Variants in DSG1 observed in about 807,000 individuals in gnomAD.
The protein encoded by DSG1 is desmoglein-1.
In DSG1, 39 loss-of-function variants were observed where a neutral mutation model predicts 97.5. The observed-to-expected ratio is 0.40, with a 90% CI of 0.31 to 0.52. The LOEUF (loss-of-function observed/expected upper bound fraction) is 0.52. Ranked by LOEUF, DSG1 falls within the 20% of genes least tolerant of loss-of-function variation. The pLI is 0.53. For missense variants in DSG1, 1,311 were observed against 1,295.4 expected (o/e 1.01, Z -0.18); for synonymous variants, 475 against 443.4 (o/e 1.07, Z -0.90).
rs1466457930 is a variant in DSG1 at position 31,354,664 on chromosome 18, C to G, written c.2468C>G (p.Pro823Arg). 1 of 1,614,038 alleles carries G rather than the reference C, an allele frequency of 6.2e-7. No individual in the cohort carries two copies. The highest frequency in any genetic ancestry group is 2.2e-5 in the East Asian group (1 of 44,882). The change falls in exon 15 of 15, where the codon CCT (proline) becomes CGT (arginine). Residue 823 changes from proline to arginine, a missense_variant. Physicochemically the swap from Pro to Arg is moderately radical, Grantham distance 103. This residue lies in a region of DSG1 where 1,038 missense variants were observed against 964.6 expected (regional missense o/e 1.08). Coordinates refer to ENST00000257192, the MANE Select transcript of DSG1 (RefSeq NM_001942.4). The part of the protein sequence containing the change: ...TYPSGPGVLH[P>R]KPILDPLGYG... ...CCCTCGGGACCTGGTGTACTGCATC[C>G]TAAGCCTATTCTCGATCCTCTGGGC...
intron 12 of DSG1, 108 bp from the exon 13 acceptor site, chr18:31,343,818 T>A: frequency 8.4e-7 from 1 of 1,184,956 alleles, no homozygotes; most frequent in Non-Finnish European, 1.2e-6. Flanking sequence ...AAATAGTATT[T>A]TTTTTTTAGG....
chr18:31,330,880 A>G lies in DSG1; in HGVS notation c.518-821A>G, dbSNP rs146324547. ...ATTACATAAGTGTATATAAATGTTA[A>G]TTATCTAGTGAAAACATTTTAAAGG... On this transcript the variant is annotated intron_variant, in intron 5 of 14. Transcript: ENST00000257192. Among the ~76,000 whole-genome samples the G allele has an allele frequency of 1.7e-3, 258 of 152,232 alleles. 1 individual carries two copies. The highest frequency in any genetic ancestry group is 6.1e-3 in the African/African-American group (252 of 41,558).
chr18:31,326,022 A>G (rs1047340356), intron 1 of DSG1, among the ~76,000 whole-genome samples: 3 of 152,076 alleles, frequency 2.0e-5, no homozygotes, highest in Non-Finnish European at 2.9e-5. Context: ...AATATTAGAT[A>G]CACAATGGAT....
chr18:31,340,766 C>T (rs2071784301), intron 11 of DSG1, among the ~76,000 whole-genome samples: 2 of 152,148 alleles, frequency 1.3e-5, no homozygotes, highest in Admixed American at 1.3e-4. Context: ...CGCATGACAG[C>T]ATGGTGAAAG....
chr18:31,331,726 T>C lies in DSG1; in HGVS notation c.543T>C (p.Ala181=), dbSNP rs753027011. ...ATACACTGGTGATGATACTCAATGC[T>C]ACTGACGCAGATGAACCGAACAATT... is the stretch of plus-strand genomic sequence containing the variant. ...NANTLVMILN[A]TDADEPNNLN... The change falls in exon 6 of 15, where the codon GCT becomes GCC. Residue 181 remains alanine (A), a synonymous_variant. Coordinates refer to ENST00000257192, the MANE Select transcript of DSG1 (RefSeq NM_001942.4). The C allele has an allele frequency of 1.1e-5, 17 of 1,612,588 alleles. No individual in the cohort carries two copies. The highest frequency in any genetic ancestry group is 1.4e-5 in the Non-Finnish European group (17 of 1,179,088).
chr18:31,334,039 A>G lies in DSG1; in HGVS notation c.842A>G (p.Asn281Ser), dbSNP rs2071736889. Residue 281 changes from asparagine to serine, a missense_variant, in exon 8 of 15, where the codon AAT becomes AGT. Physicochemically the swap from Asn to Ser is conservative, Grantham distance 46. Around this residue, in one of 3 missense-constraint regions of DSG1, gnomAD observed 1,038 missense variants for 964.6 expected, o/e 1.08. Coordinates refer to ENST00000257192, the MANE Select transcript of DSG1 (RefSeq NM_001942.4). ...CAGTATACCATAGAAATTCAAGAAA[A>G]TACTCTAAATTCAAATTTGCTCGAG... is the stretch of plus-strand genomic sequence containing the variant. ...QSSYTIEIQENTLNSNLLEIR... is the reference protein window; with the variant it reads ...QSSYTIEIQESTLNSNLLEIR... The G allele has an allele frequency of 6.2e-7, 1 of 1,609,306 alleles. No homozygotes were observed. Among genetic ancestry groups the G allele is most frequent in the Non-Finnish European group, 8.5e-7 (1 of 1,175,950 alleles).
At chr18:31,350,761 T>G (rs1284317315) in intron 14 of DSG1, among the ~76,000 whole-genome samples, 1 of 151,136 alleles carries the variant, frequency 6.6e-6, no homozygotes. Flanking sequence ...TGCGTAGAGG[T>G]GTTTGTAGTA....
rs1598701680 is a variant in DSG1, at chr18:31,331,790, C to G, written c.607C>G (p.Pro203Ala). 6.2e-7 allele frequency: 1 copy of G among 1,612,698 alleles called. No individual in the cohort carries two copies. Among genetic ancestry groups the G allele is most frequent in the Non-Finnish European group, 8.5e-7 (1 of 1,179,070 alleles). Residue 203 changes from proline (P) to alanine (A), a missense_variant, in exon 6 of 15, where the codon CCT (proline) becomes GCT (alanine). This residue lies in a region of DSG1 where 259 missense variants were observed against 304.1 expected (regional missense o/e 0.85). Transcript: ENST00000257192. ...KIAFKIIRQEPSDSPMFIINR... is the reference protein window; with the variant it reads ...KIAFKIIRQEASDSPMFIINR... Reference sequence around the variant, plus strand: ...AGCCTTCAAGATTATAAGACAAGAACCTTCAGATTCACCAATGTTTATTAT... The same window carrying G: ...AGCCTTCAAGATTATAAGACAAGAAGCTTCAGATTCACCAATGTTTATTAT...
At chr18:31,329,298 G>C (rs550056421) in intron 4 of DSG1, among the ~76,000 whole-genome samples, 1 of 151,942 alleles carries the variant, frequency 6.6e-6, no homozygotes, top group East Asian at 1.9e-4. Context: ...TTTTGCTCCT[G>C]TTACCTCTTC....
At chr18:31,327,416 C>T (rs924936597) in intron 3 of DSG1, among the ~76,000 whole-genome samples, 1 of 151,980 alleles carries the variant, frequency 6.6e-6, no homozygotes, top group African/African-American at 2.4e-5. Context: ...CTCTCTCATA[C>T]CCCTTTTCTA....
chr18:31,334,240 T>C (rs752218534), intron 8 of DSG1, 38 bp downstream of exon 8: 3 of 1,410,128 alleles, frequency 2.1e-6, no homozygotes, highest in South Asian at 1.2e-5. Context: ...GTTTTCTTAA[T>C]CTTTTTTCAA....
intron 11 of DSG1, among the ~76,000 whole-genome samples, chr18:31,341,987 A>G (rs898728752): frequency 1.5e-4 from 23 of 151,506 alleles, no homozygotes; most frequent in Non-Finnish European, 3.1e-4. Context: ...AGGCTGGAGT[A>G]CAGTGGTGCA....
In DSG1 at chr18:31,343,452, G is replaced by A. The variant is rs146919961; in HGVS notation, c.1690G>A (p.Val564Ile). The change falls in exon 12 of 15, where the codon GTC (valine) becomes ATC (isoleucine). Residue 564 changes from valine to isoleucine, a missense_variant and splice_region_variant. By Grantham distance (29) the Val-to-Ile change is conservative. Coordinates refer to ENST00000257192, the MANE Select transcript of DSG1 (RefSeq NM_001942.4). ...LIMGFLVLGL[V>I]PFLMICCDCG... ...TATTACTATCCCTCCACCACCAGTG[G>A]TCCCATTTTTGATGATCTGTTGTGA... The A allele has an allele frequency of 2.3e-4, 365 of 1,614,060 alleles. 1 individual carries two copies. Among genetic ancestry groups the A allele is most frequent in the Middle Eastern group, 3.3e-4 (2 of 6,056 alleles).
chr18:31,328,827 A>C (rs1356144618), intron 4 of DSG1, among the ~76,000 whole-genome samples: 3 of 152,116 alleles, frequency 2.0e-5, no homozygotes, highest in African/African-American at 7.2e-5. Context: ...AATATACTTT[A>C]CTATAAATTC....
intron 9 of DSG1, 109 bp from the exon 10 acceptor site, chr18:31,338,206 C>T: frequency 8.6e-7 from 1 of 1,167,280 alleles, no homozygotes; most frequent in Non-Finnish European, 1.2e-6. Context: ...TAATTGAAAA[C>T]TGTATCTAGG....
At chr18:31,334,950 G>A (rs1258477821) in intron 8 of DSG1, among the ~76,000 whole-genome samples, 2 of 151,836 alleles carry the variant, frequency 1.3e-5, no homozygotes, top group African/African-American at 4.8e-5. Flanking sequence ...TACAACAGCT[G>A]TTTATGGATT....
intron 8 of DSG1, 40 bp from the exon 9 acceptor site, chr18:31,336,314 A>G (rs201408821): frequency 6.3e-7 from 1 of 1,580,030 alleles, no homozygotes; most frequent in Non-Finnish European, 8.6e-7. Flanking sequence ...GGAACGTTTT[A>G]TTTTCTTATA....
rs552833463 is a variant in DSG1, at chr18:31,332,523, T to C, written c.684+656T>C. 2.6e-5 allele frequency among the ~76,000 whole-genome samples: 4 copies of C among 152,248 alleles called. No homozygotes were observed. In the East Asian group the frequency reaches 5.8e-4, roughly 22 times the overall value. ...AATCAGCATTATGAGGTTTCTAGCA[T>C]GCCTTGTGATTTTATGATTTAGTTT... is the stretch of plus-strand genomic sequence containing the variant. On this transcript the variant is annotated intron_variant, in intron 6 of 14. Transcript: ENST00000257192.
At position 31,355,760 on chromosome 18, in the gene DSG1, A is replaced by G; in HGVS notation, c.*414A>G. 1 of 185,218 alleles carries G rather than the reference A, an allele frequency of 5.4e-6. No homozygotes were observed. The highest frequency in any genetic ancestry group is 1.1e-5 in the Non-Finnish European group (1 of 87,182). The allele number at this position is 185,218 out of a possible 1,614,324, so 11.5% of individuals were successfully genotyped here. ...ATGGGAAAAATCTAAAATGTGTGCCAGATGCCCTGTTGGTTTCACAGATAA... is the reference window on the plus strand; with the variant it reads ...ATGGGAAAAATCTAAAATGTGTGCCGGATGCCCTGTTGGTTTCACAGATAA... On this transcript the variant is annotated 3_prime_UTR_variant, in exon 15 of 15. Coordinates refer to ENST00000257192, the MANE Select transcript of DSG1 (RefSeq NM_001942.4).
Sources: allele counts gnomAD v4.1 joint callset (sites outside exome capture counted in the v4.1 genomes callset), GRCh38; gene constraint gnomAD v4.1.1; regional missense constraint gnomAD v4.1.1; transcripts MANE v1.5; gene names NCBI Gene and HGNC (gene_info 2026-07-23, HGNC 2026-07-21).